Variants in RBM10 observed in about 807,000 individuals in gnomAD.
The protein encoded by RBM10 is RNA-binding protein 10.
A neutral mutation model predicts 84.9 loss-of-function variants in RBM10; 1 was observed. The ratio of observed to expected loss-of-function variants is 0.01; its 90% CI spans 0.00 to 0.06. The LOEUF is 0.06. Among genes scored for constraint, RBM10 ranks in the 10% least tolerant of loss-of-function variants. The pLI, the probability that RBM10 is intolerant of heterozygous loss-of-function variation, is 1.00. For synonymous variants in RBM10, 326 were observed against 344.5 expected, an observed-to-expected ratio of 0.95 and a Z score of 0.60; for missense variants, 438 against 839.0, an observed-to-expected ratio of 0.52 and a Z score of 5.90.
Position 47,180,128 on chromosome X carries a change from G to A in RBM10, c.1063-84G>A, listed in dbSNP as rs1556778281. ...GTCCTTTTCCCCAGCCTCCCACCGC[G>A]GCTGCCAGCCTGGAAATCGGGCAAT... On this transcript the variant is annotated intron_variant, in intron 10 of 23. Transcript: ENST00000377604. The A allele has an allele frequency of 2.4e-5, 29 of 1,186,294 alleles. No homozygotes were observed. In the South Asian group the frequency reaches 3.8e-4, roughly 15 times the overall value.
chrX:47,166,783 T>C (rs1177964900), intron 2 of RBM10, among the ~76,000 whole-genome samples: 10 of 107,241 alleles, frequency 9.3e-5, no homozygotes, highest in African/African-American at 2.7e-4. Flanking sequence ...AATTTTCTTT[T>C]TTTTTTTTTT....
At chrX:47,154,901 A>G (rs1378326423) in intron 2 of RBM10, among the ~76,000 whole-genome samples, 1 of 109,409 alleles carries the variant, frequency 9.1e-6, no homozygotes, top group Non-Finnish European at 1.9e-5. Flanking sequence ...TAATCCCAGC[A>G]CTTTGGGAGG....
At chrX:47,177,581 C>T (rs1041162346) in intron 7 of RBM10, among the ~76,000 whole-genome samples, 5 of 110,842 alleles carry the variant, frequency 4.5e-5, no homozygotes, top group African/African-American at 1.3e-4. Flanking sequence ...AGTGGAACTC[C>T]TTCCTGTGTT....
chrX:47,184,431 G>A (rs372095238), intron 17 of RBM10, among the ~76,000 whole-genome samples: 2 of 112,573 alleles, frequency 1.8e-5, no homozygotes, highest in South Asian at 3.6e-4. Flanking sequence ...GCACTCAGCC[G>A]GGATAAAGGC....
intron 17 of RBM10, among the ~76,000 whole-genome samples, chrX:47,182,649 A>G (rs1398814650): frequency 2.7e-5 from 3 of 112,552 alleles, no homozygotes; most frequent in Non-Finnish European, 5.6e-5. Context: ...TGCCAGAGAA[A>G]TTCTCACAGG....
At chrX:47,163,859 ATTTTTTTTTTTT>A (rs35919377) in intron 2 of RBM10, among the ~76,000 whole-genome samples, 1 of 40,106 alleles carries the variant, frequency 2.5e-5, no homozygotes, top group African/African-American at 1.6e-4. Context: ...CGCCTGGCTA[ATTTTTTTTTTTT>A]TTTTTTTTTT....
chrX:47,157,821 C>T (rs1318746780), intron 2 of RBM10: 7 of 348,772 alleles, frequency 2.0e-5, no homozygotes, highest in Non-Finnish European at 3.5e-5. Context: ...ACTCAGTCGC[C>T]CAGGCTGAAG....
chrX:47,156,943 T>C, intron 2 of RBM10: 1 of 233,739 alleles, frequency 4.3e-6, no homozygotes, highest in South Asian at 5.3e-5. Flanking sequence ...GCGATGTGGT[T>C]CCAGAGGTCT....
At position 47,181,336 on chromosome X, in the gene RBM10, A is replaced by G; in HGVS notation, c.1370A>G (p.His457Arg). Residue 457 changes from histidine to arginine, a missense_variant, in exon 13 of 24, where the codon CAT (histidine) becomes CGT (arginine). His to Arg is a conservative substitution (Grantham distance 29, BLOSUM62 0). This residue lies in a region of RBM10 where 97 missense variants were observed against 110.3 expected (regional missense o/e 0.88). Transcript: ENST00000377604. The stretch of plus-strand genomic sequence containing the variant: ...GGCACAGAGTCTTCCCTCTATGCCC[A>G]TGGCTACCTCAAGGGCACCAAGGGC... ...SQGTESSLYA[H>R]GYLKGTKGPG... 1.7e-6 allele frequency: 2 copies of G among 1,198,975 alleles called. No homozygotes were observed. Among genetic ancestry groups the G allele is most frequent in the Non-Finnish European group, 2.3e-6 (2 of 888,709 alleles).
In RBM10 at chrX:47,181,617, A is replaced by G. The variant is rs2147189705; in HGVS notation, c.1546A>G (p.Ser516Gly). 3 of 1,207,185 alleles carry G rather than the reference A, an allele frequency of 2.5e-6. No homozygotes were observed. Among genetic ancestry groups the G allele is most frequent in the Non-Finnish European group, 3.4e-6 (3 of 893,759 alleles). ...GIYQQSAEAS[S>G]SQGTAANSQS... ...CTACCAACAATCAGCCGAGGCGAGC[A>G]GTAGCCAGGGCACTGCTGCCAACAG... The change falls in exon 14 of 24, where the codon AGT becomes GGT. Residue 516 changes from serine to glycine, a missense_variant. Ser to Gly is a moderately conservative substitution (Grantham distance 56). This residue lies in a region of RBM10 where 97 missense variants were observed against 110.3 expected (regional missense o/e 0.88). Coordinates refer to ENST00000377604, the MANE Select transcript of RBM10 (RefSeq NM_005676.5).
intron 6 of RBM10, among the ~76,000 whole-genome samples, chrX:47,175,423 T>TG (rs1205185507): frequency 1.0e-4 from 11 of 109,020 alleles, no homozygotes; most frequent in East Asian, 2.9e-4. Context: ...CCGGGGCTGG[T>TG]GGGGGGGGCA....
chrX:47,159,633 T>G (rs1820425714), intron 2 of RBM10, among the ~76,000 whole-genome samples: 1 of 110,806 alleles, frequency 9.0e-6, no homozygotes, highest in South Asian at 3.8e-4. Context: ...AACAGACACA[T>G]AAACCAGTGG....
At chrX:47,181,437 G>A (rs782796692) in intron 13 of RBM10, 36 bp downstream of exon 13, 4 of 1,207,703 alleles carry the variant, frequency 3.3e-6, no homozygotes, top group Non-Finnish European at 4.5e-6. Flanking sequence ...GCTGTGGTGG[G>A]GGCCAGCAGG....
Position 47,179,779 on chromosome X carries a change from G to A in RBM10, c.902-101G>A. 3.9e-6 allele frequency: 4 copies of A among 1,034,513 alleles called. No individual in the cohort carries two copies. The South Asian group carries it at 6.0e-5, about 16-fold the overall frequency. The allele number at this position is 1,034,513 out of a possible 1,213,427, so 85.3% of individuals were successfully genotyped here. A position where few individuals can be genotyped will look rare whatever the true frequency, so the allele number is the denominator to read the frequency against. On this transcript the variant is annotated intron_variant, in intron 9 of 23. Coordinates refer to ENST00000377604, the MANE Select transcript of RBM10 (RefSeq NM_005676.5). Reference sequence around the variant, plus strand: ...AGGGAAGCGGCAGTTGCAAAGGCACGGAGTGAGTGGGGGCAGAGGAAAGGG... The same window carrying A: ...AGGGAAGCGGCAGTTGCAAAGGCACAGAGTGAGTGGGGGCAGAGGAAAGGG...
chrX:47,146,964 G>T (rs1465572259), intron 1 of RBM10, among the ~76,000 whole-genome samples: 3 of 111,366 alleles, frequency 2.7e-5, no homozygotes. Flanking sequence ...CTTGTCTGAT[G>T]TGCTGAATCT....
intron 3 of RBM10, among the ~76,000 whole-genome samples, chrX:47,170,515 C>G (rs1408044684): frequency 8.9e-6 from 1 of 112,992 alleles, no homozygotes. Context: ...GGAGTGTCTG[C>G]AGCCCTCACA....
intron 7 of RBM10, among the ~76,000 whole-genome samples, chrX:47,177,451 C>T (rs1280864088): frequency 9.0e-6 from 1 of 111,609 alleles, no homozygotes; most frequent in Non-Finnish European, 1.9e-5. Flanking sequence ...GTAGAGGCCC[C>T]AACCCTCTCC....
chrX:47,164,607 G>C (rs1556768171), intron 2 of RBM10, among the ~76,000 whole-genome samples: 1 of 111,335 alleles, frequency 9.0e-6, no homozygotes, highest in African/African-American at 3.3e-5. Flanking sequence ...CACATGAAAA[G>C]ATGCAAAATA....
At chrX:47,176,617 G>T (rs1556776384) in intron 7 of RBM10, 31 bp downstream of exon 7, 27 of 1,208,926 alleles carry the variant, frequency 2.2e-5, no homozygotes, top group Non-Finnish European at 3.0e-5. Flanking sequence ...AGTTGTCATG[G>T]ACAGAGACAG....
Sources: gnomAD v4.1 joint callset for allele counts (sites outside exome capture counted in the v4.1 genomes callset) on GRCh38, gnomAD v4.1.1 for gene constraint, gnomAD v4.1.1 regional missense constraint, MANE v1.5 for transcripts, NCBI Gene and HGNC (gene_info 2026-07-23, HGNC 2026-07-21) for gene names.